The following HK1 variants were observed in gnomAD, a reference collection of about 807,000 sequenced individuals.
The protein encoded by HK1 is hexokinase 1, also known as hexokinase-1.
HK1 carries 28 observed loss-of-function variants against 91.6 expected under a neutral mutation model. The observed-to-expected ratio is 0.31, with a 90% CI of 0.23 to 0.42. The LOEUF is 0.42. Among genes scored for constraint, HK1 ranks in the 10% least tolerant of loss-of-function variants. The pLI, the probability that HK1 is intolerant of heterozygous loss-of-function variation, is 1.00. For missense variants in HK1, 770 were observed against 1,219.8 expected, an observed-to-expected ratio of 0.63 and a Z score of 5.49; for synonymous variants, 430 against 468.1, an observed-to-expected ratio of 0.92 and a Z score of 1.05.
At chr10:69,349,065 G>A (rs2132707602) in intron 2 of HK1, among the ~76,000 whole-genome samples, 1 of 152,332 alleles carries the variant, frequency 6.6e-6, no homozygotes, top group South Asian at 2.1e-4. Flanking sequence ...GAAATGTGAG[G>A]AAAGGTCACA....
At position 69,382,829 on chromosome 10, in the gene HK1, C is replaced by G. The variant is rs779366464; in HGVS notation, c.1570+38C>G. 4 of 1,596,722 alleles carry G rather than the reference C, an allele frequency of 2.5e-6. No individual in the cohort carries two copies. The East Asian group carries it at 9.0e-5, about 36-fold the overall frequency. On this transcript the variant is annotated intron_variant, in intron 10 of 17. Coordinates refer to ENST00000359426, the MANE Select transcript of HK1 (RefSeq NM_000188.3). ...TGGGGGCTGACATGCCTGTCCTGCT[C>G]CTGCCAGGAACTGAGCCGCAGTGGG...
chr10:69,394,884 G>A, intron 15 of HK1, 66 bp from the exon 16 acceptor site: 1 of 1,541,328 alleles, frequency 6.5e-7, no homozygotes, highest in Non-Finnish European at 9.0e-7. Flanking sequence ...GTGACCGTGA[G>A]ACCGAGGGGT....
intron 1 of HK1, among the ~76,000 whole-genome samples, chr10:69,341,302 C>T (rs1848280177): frequency 1.3e-5 from 2 of 152,042 alleles, no homozygotes; most frequent in Admixed American, 1.3e-4. Flanking sequence ...GCTGGGACTA[C>T]AGGGGCGTAT....
intron 5 of HK1, among the ~76,000 whole-genome samples, chr10:69,368,994 C>T (rs1849853819): frequency 6.6e-6 from 1 of 152,178 alleles, no homozygotes; most frequent in Non-Finnish European, 1.5e-5. Flanking sequence ...AATGTAGCTC[C>T]ATGAGTAAAA....
chr10:69,382,345 A>T (rs996941420), intron 9 of HK1, 142 bp from the exon 10 acceptor site: 5 of 879,054 alleles, frequency 5.7e-6, no homozygotes, highest in Non-Finnish European at 9.3e-6. Flanking sequence ...ATTGCACTCC[A>T]GCCTGGGTGA....
In HK1 at chr10:69,276,118, A is replaced by AAAAATATATATATATATATATATAT; in HGVS notation, c.-391+6011_-391+6012insAAATATATATATATATATATATATA. 5.2e-5 allele frequency among the ~76,000 whole-genome samples: 2 copies of AAAAATATATATATATATATATATAT among 38,272 alleles called. 1 individual carries two copies. Among genetic ancestry groups the AAAAATATATATATATATATATATAT allele is most frequent in the Non-Finnish European group, 1.0e-4 (2 of 19,638 alleles). 25.1% of individuals were successfully genotyped at this position (38,272 alleles called of 152,430 possible). ...AAAAAAAAAAAAAAAAAAAAAAAAA[A>AAAAATATATATATATATATATATAT]ATACATATATATATATATATACACA... On this transcript the variant is annotated intron_variant, in intron 1 of 21. Coordinates refer to the HK1 transcript ENST00000360289.
chr10:69,345,996 G>T (rs1589518025), intron 2 of HK1, among the ~76,000 whole-genome samples: 1 of 152,164 alleles, frequency 6.6e-6, no homozygotes, highest in East Asian at 1.9e-4. Flanking sequence ...CACTTCGCTT[G>T]CAATGGTCCC....
intron 1 of HK1, among the ~76,000 whole-genome samples, chr10:69,325,005 T>G (rs922325032): frequency 6.6e-6 from 1 of 152,058 alleles, no homozygotes; most frequent in African/African-American, 2.4e-5. Flanking sequence ...TTAGAAACTT[T>G]GTAAGGTGGA....
chr10:69,382,862 G>A, intron 10 of HK1, 71 bp downstream of exon 10: 2 of 1,496,272 alleles, frequency 1.3e-6, no homozygotes, highest in Non-Finnish European at 1.8e-6. Context: ...GGGGGAGGTT[G>A]GATTCGCCAG....
At chr10:69,349,490 C>T (rs1011830595) in intron 2 of HK1, among the ~76,000 whole-genome samples, 3 of 152,136 alleles carry the variant, frequency 2.0e-5, no homozygotes. Context: ...GTCCAAGGAC[C>T]GCACCCAGCA....
At chr10:69,379,248 A>G (rs1046621815) in intron 8 of HK1, among the ~76,000 whole-genome samples, 3 of 152,242 alleles carry the variant, frequency 2.0e-5, no homozygotes. Context: ...TACATATTTT[A>G]AAACACATTT....
rs764689556 is a variant in HK1 at position 69,380,036 on chromosome 10, C to T, written c.1206C>T (p.Gly402=). The change falls in exon 9 of 18, where the codon GGC becomes GGT. Residue 402 remains glycine (G), a synonymous_variant. Transcript: ENST00000359426. This position sits in a 1 kb window ranked among gnomAD's most constrained non-coding sequence, Gnocchi z 4.0. Reference sequence around the variant, plus strand: ...TGAACCGCCTGCGTGATAACAAGGGCACACCCAGGCTGCGGACCACGGTTG... The same window carrying T: ...TGAACCGCCTGCGTGATAACAAGGGTACACCCAGGCTGCGGACCACGGTTG... ...AILNRLRDNK[G]TPRLRTTVGV... is the part of the protein sequence containing the mutation. The T allele has an allele frequency of 1.9e-6, 3 of 1,614,152 alleles. No individual in the cohort carries two copies. The highest frequency in any genetic ancestry group is 2.5e-6 in the Non-Finnish European group (3 of 1,179,994).
At chr10:69,322,432 G>A (rs141099854) in intron 1 of HK1, among the ~76,000 whole-genome samples, 2,148 of 152,268 alleles carry the variant, frequency 0.014, 51 homozygotes, top group African/African-American at 0.049. Context: ...TGGTTAATGG[G>A]TGCTGTTGAA....
At chr10:69,342,552 CAG>C (rs1399905408) in intron 1 of HK1, among the ~76,000 whole-genome samples, 1 of 152,206 alleles carries the variant, frequency 6.6e-6, no homozygotes, top group Non-Finnish European at 1.5e-5. Flanking sequence ...GGCCGGAGTT[CAG>C]AGAGCACAGA....
chr10:69,331,939 C>T lies in HK1; in HGVS notation c.64-11888C>T, dbSNP rs564655916. On this transcript the variant is annotated intron_variant, in intron 1 of 17. Coordinates refer to ENST00000359426, the MANE Select transcript of HK1 (RefSeq NM_000188.3). ...ACATAGAAACAACATTTTGGATATACTGGGTTAAATAAAATACATTATTTC... is the reference window on the plus strand; with the variant it reads ...ACATAGAAACAACATTTTGGATATATTGGGTTAAATAAAATACATTATTTC... Among the ~76,000 whole-genome samples, 55 of 151,992 alleles carry T rather than the reference C, an allele frequency of 3.6e-4. No homozygotes were observed. The South Asian group carries it at 0.01, about 28-fold the overall frequency.
intron 1 of HK1, among the ~76,000 whole-genome samples, chr10:69,321,644 G>A (rs1228257247): frequency 6.6e-6 from 1 of 152,200 alleles, no homozygotes; most frequent in African/African-American, 2.4e-5. Flanking sequence ...GGACCATGCC[G>A]GGGAAGTTTT....
chr10:69,342,144 A>G (rs1848321270), intron 1 of HK1, among the ~76,000 whole-genome samples: 1 of 148,080 alleles, frequency 6.8e-6, no homozygotes. Flanking sequence ...ATAGACTATG[A>G]AAAAAAAACC....
In HK1 at chr10:69,382,731, C is replaced by A. The variant is rs962916470; in HGVS notation, c.1510C>A (p.His504Asn). The A allele has an allele frequency of 6.2e-7, 1 of 1,613,406 alleles. No homozygotes were observed. The highest frequency in any genetic ancestry group is 1.3e-5 in the African/African-American group (1 of 75,042). The change falls in exon 10 of 18, where the codon CAC (histidine) becomes AAC (asparagine). Residue 504 changes from histidine (H) to asparagine (N), a missense_variant. By Grantham distance (68) the His-to-Asn change is moderately conservative. This residue lies in a region of HK1 where 449 missense variants were observed against 665.1 expected (regional missense o/e 0.68). Transcript: ENST00000359426. ...EMELGLRKQT[H>N]NNAVVKMLPS... Reference sequence around the variant, plus strand: ...GGAGCTGGGGCTGAGGAAGCAGACGCACAACAATGCCGTGGTTAAGATGCT... The same window carrying A: ...GGAGCTGGGGCTGAGGAAGCAGACGAACAACAATGCCGTGGTTAAGATGCT...
At chr10:69,339,187 T>G (rs991252833) in intron 1 of HK1, among the ~76,000 whole-genome samples, 35 of 152,212 alleles carry the variant, frequency 2.3e-4, no homozygotes, top group Non-Finnish European at 4.0e-4. Context: ...TCCGGGCCAC[T>G]TAAAGGCCCA....
Sources: allele counts gnomAD v4.1 joint callset (sites outside exome capture counted in the v4.1 genomes callset), GRCh38; gene constraint gnomAD v4.1.1; regional missense constraint gnomAD v4.1.1; non-coding constraint Gnocchi (gnomAD v3.1); transcripts MANE v1.5; gene names NCBI Gene and HGNC (gene_info 2026-07-23, HGNC 2026-07-21).